Variants in RGS7BP observed in about 807,000 individuals in gnomAD.
RGS7BP encodes regulator of G protein signaling 7 binding protein.
In RGS7BP, 9 loss-of-function variants were observed where a neutral mutation model predicts 31.3. The observed-to-expected ratio is 0.29, with a 90% CI of 0.17 to 0.50. RGS7BP has a LOEUF of 0.50. Ranked by LOEUF, RGS7BP falls within the 20% of genes least tolerant of loss-of-function variation. The pLI is 0.98. For missense variants in RGS7BP, 274 were observed against 322.0 expected, an observed-to-expected ratio of 0.85 and a Z score of 1.14; for synonymous variants, 115 against 120.1, an observed-to-expected ratio of 0.96 and a Z score of 0.28.
intron 3 of RGS7BP, among the ~76,000 whole-genome samples, chr5:64,593,592 A>T (rs1742978781): frequency 6.6e-6 from 1 of 152,206 alleles, no homozygotes. Flanking sequence ...TATATATAAT[A>T]GCTACCCTTT....
At chr5:64,520,874 G>T (rs957983324) in intron 2 of RGS7BP, among the ~76,000 whole-genome samples, 2 of 152,202 alleles carry the variant, frequency 1.3e-5, no homozygotes, top group Non-Finnish European at 2.9e-5. Flanking sequence ...ACACTCCTAA[G>T]GAAGTAACAT....
intron 2 of RGS7BP, among the ~76,000 whole-genome samples, chr5:64,518,200 T>C (rs1749022046): frequency 6.6e-6 from 1 of 152,154 alleles, no homozygotes; most frequent in Non-Finnish European, 1.5e-5. Context: ...TATAAACCTT[T>C]TCATCATATA....
intron 5 of RGS7BP, among the ~76,000 whole-genome samples, chr5:64,604,335 C>G (rs75087739): frequency 0.11 from 16,558 of 152,120 alleles, 944 homozygotes; most frequent in Middle Eastern, 0.19. Flanking sequence ...GAATCTCCCC[C>G]CCTTCTCCTG....
intron 2 of RGS7BP, among the ~76,000 whole-genome samples, chr5:64,525,502 A>G (rs1749210390): frequency 1.3e-5 from 2 of 152,220 alleles, no homozygotes; most frequent in African/African-American, 4.8e-5. Flanking sequence ...GGACCCCACT[A>G]TGACTGTGGA....
At chr5:64,579,877 T>C (rs1385403772) in intron 3 of RGS7BP, among the ~76,000 whole-genome samples, 1 of 152,192 alleles carries the variant, frequency 6.6e-6, no homozygotes, top group Non-Finnish European at 1.5e-5. Flanking sequence ...ATATTAATAC[T>C]TTGGACTCCT....
intron 3 of RGS7BP, among the ~76,000 whole-genome samples, chr5:64,582,847 G>A (rs1256460270): frequency 6.6e-6 from 1 of 152,016 alleles, no homozygotes; most frequent in Non-Finnish European, 1.5e-5. Flanking sequence ...ATATAAAGGA[G>A]GTGATCCACA....
chr5:64,569,958 TTAGATA>T (rs1740354094), intron 2 of RGS7BP, among the ~76,000 whole-genome samples: 2 of 152,128 alleles, frequency 1.3e-5, no homozygotes, highest in African/African-American at 4.8e-5. Context: ...AAAGAGAAAC[TTAGATA>T]TATTTGTTGT....
intron 3 of RGS7BP, among the ~76,000 whole-genome samples, chr5:64,588,593 A>C (rs954536559): frequency 9.2e-5 from 14 of 152,204 alleles, no homozygotes; most frequent in African/African-American, 3.4e-4. Flanking sequence ...TGTGAGTAAT[A>C]AACTACCTTT....
intron 2 of RGS7BP, 41 bp from the exon 3 acceptor site, chr5:64,575,733 C>A (rs1561340307): frequency 1.3e-6 from 2 of 1,573,332 alleles, no homozygotes; most frequent in South Asian, 2.4e-5. Flanking sequence ...TGAGTGAAAT[C>A]TTGAGAATGT....
intron 2 of RGS7BP, among the ~76,000 whole-genome samples, chr5:64,547,781 T>C (rs1037170196): frequency 1.3e-5 from 2 of 152,196 alleles, no homozygotes; most frequent in Non-Finnish European, 2.9e-5. Flanking sequence ...CCAATTTACA[T>C]TTTGTATAAG....
intron 5 of RGS7BP, among the ~76,000 whole-genome samples, chr5:64,608,434 G>A (rs985332737): frequency 7.2e-5 from 11 of 151,944 alleles, no homozygotes; most frequent in Non-Finnish European, 1.3e-4. Flanking sequence ...ATGCCCTTGT[G>A]TACAGAAATC....
intron 5 of RGS7BP, among the ~76,000 whole-genome samples, chr5:64,606,409 G>A (rs1743367557): frequency 6.6e-6 from 1 of 151,936 alleles, no homozygotes; most frequent in Non-Finnish European, 1.5e-5. Context: ...GAAAGGGAAG[G>A]AGATACCAGA....
intron 2 of RGS7BP, among the ~76,000 whole-genome samples, chr5:64,565,920 C>CA (rs1240542416): frequency 1.3e-5 from 2 of 151,590 alleles, no homozygotes; most frequent in African/African-American, 2.4e-5. Flanking sequence ...GACAATTATG[C>CA]AAAAAAATGG....
In RGS7BP at chr5:64,577,503, A is replaced by G. The variant is rs147244753; in HGVS notation, c.463+1599A>G. On this transcript the variant is annotated intron_variant, in intron 3 of 5. Transcript: ENST00000334025. Reference sequence around the variant, plus strand: ...TGCACACAGGTGAACTAAAAACAAGATCCTACTACATTGCTCCAGAGACAG... The same window carrying G: ...TGCACACAGGTGAACTAAAAACAAGGTCCTACTACATTGCTCCAGAGACAG... Among the ~76,000 whole-genome samples the G allele has an allele frequency of 3.8e-3, 575 of 152,266 alleles. 2 individuals are homozygous for G. The highest frequency in any genetic ancestry group is 0.013 in the African/African-American group (545 of 41,556).
intron 3 of RGS7BP, among the ~76,000 whole-genome samples, chr5:64,592,317 A>C (rs1742940913): frequency 6.6e-6 from 1 of 152,198 alleles, no homozygotes; most frequent in Non-Finnish European, 1.5e-5. Context: ...GTTCAGCTAC[A>C]TTAGCAGAAT....
chr5:64,553,248 C>T (rs1446982433), intron 2 of RGS7BP, among the ~76,000 whole-genome samples: 1 of 145,476 alleles, frequency 6.9e-6, no homozygotes, highest in Admixed American at 7.1e-5. Flanking sequence ...TCTTGGCTCA[C>T]TGCAACCTCT....
chr5:64,586,162 GC>G (rs1742745616), intron 3 of RGS7BP, among the ~76,000 whole-genome samples: 1 of 152,128 alleles, frequency 6.6e-6, no homozygotes, highest in South Asian at 2.1e-4. Context: ...AGGATAACCT[GC>G]CAAAGGGGGT....
chr5:64,531,518 G>A (rs185714327), intron 2 of RGS7BP, among the ~76,000 whole-genome samples: 1 of 152,266 alleles, frequency 6.6e-6, no homozygotes, highest in African/African-American at 2.4e-5. Flanking sequence ...TCTAGCTGCA[G>A]TCCGTGAAGA....
chr5:64,556,031 A>G (rs542313720), intron 2 of RGS7BP, among the ~76,000 whole-genome samples: 4 of 152,156 alleles, frequency 2.6e-5, no homozygotes, highest in African/African-American at 9.6e-5. Flanking sequence ...GTGTAGAAGT[A>G]GAGTTGATGG....
Sources: gnomAD v4.1 joint callset for allele counts (sites outside exome capture counted in the v4.1 genomes callset) on GRCh38, gnomAD v4.1.1 for gene constraint, MANE v1.5 for transcripts, NCBI Gene and HGNC (gene_info 2026-07-23, HGNC 2026-07-21) for gene names.